The following ETS1 variants were observed in gnomAD, a reference collection of about 807,000 sequenced individuals.
The protein encoded by ETS1 is ETS proto-oncogene 1, transcription factor, also known as protein C-ets-1.
Under a neutral mutation model 58.6 loss-of-function variants are expected in ETS1, and 15 were observed. The observed-to-expected ratio is 0.26, with a 90% CI of 0.17 to 0.39. The LOEUF (loss-of-function observed/expected upper bound fraction) is 0.39. Ranked by LOEUF, ETS1 falls within the 10% of genes least tolerant of loss-of-function variation. The probability of loss-of-function intolerance (pLI) is 1.00; values close to 1 mark genes in which losing one functional copy is unlikely to be tolerated. For missense variants in ETS1, 417 were observed against 610.5 expected, an observed-to-expected ratio of 0.68 and a Z score of 3.34; for synonymous variants, 214 against 218.2, an observed-to-expected ratio of 0.98 and a Z score of 0.17.
At chr11:128,552,427 C>T (rs1864244561) in intron 3 of ETS1, among the ~76,000 whole-genome samples, 1 of 152,176 alleles carries the variant, frequency 6.6e-6, no homozygotes, top group East Asian at 1.9e-4. Context: ...GGTAATAAGA[C>T]TATAGGTTCC....
At chr11:128,564,143 T>C (rs1174408003) in intron 2 of ETS1, among the ~76,000 whole-genome samples, 25 of 152,280 alleles carry the variant, frequency 1.6e-4, no homozygotes, top group Non-Finnish European at 2.9e-5. Flanking sequence ...ACGTTTGTTC[T>C]GCTCCCTTGA....
intron 2 of ETS1, among the ~76,000 whole-genome samples, chr11:128,559,057 G>T (rs1367605958): frequency 6.6e-6 from 1 of 152,184 alleles, no homozygotes; most frequent in Non-Finnish European, 1.5e-5. Flanking sequence ...GGGACAGCAT[G>T]CATGGTTTGC....
At chr11:128,473,366 C>T (rs1284682542) in intron 8 of ETS1, among the ~76,000 whole-genome samples, 1 of 152,224 alleles carries the variant, frequency 6.6e-6, no homozygotes, top group Non-Finnish European at 1.5e-5. Flanking sequence ...TAGAGCCTAG[C>T]TTCCTGTATA....
intron 3 of ETS1, among the ~76,000 whole-genome samples, chr11:128,534,313 G>C (rs545867333): frequency 6.6e-6 from 1 of 152,268 alleles, no homozygotes; most frequent in African/African-American, 2.4e-5. Context: ...CCATACAGAT[G>C]AGTAGATGAC....
chr11:128,552,387 G>A (rs912246327), intron 3 of ETS1, among the ~76,000 whole-genome samples: 2 of 152,192 alleles, frequency 1.3e-5, no homozygotes, highest in Non-Finnish European at 1.5e-5. Context: ...AAAAAGTATT[G>A]TCTTGTTTCT....
chr11:128,518,391 C>T (rs1863579658), intron 3 of ETS1, among the ~76,000 whole-genome samples: 1 of 152,174 alleles, frequency 6.6e-6, no homozygotes, highest in Non-Finnish European at 1.5e-5. Context: ...TGTTGACTTG[C>T]TCTGTAGTTA....
At chr11:128,545,026 G>GGGGGCA in intron 3 of ETS1, among the ~76,000 whole-genome samples, 1 of 151,952 alleles carries the variant, frequency 6.6e-6, no homozygotes, top group South Asian at 2.1e-4. Flanking sequence ...TGGGGGTGGG[G>GGGGGCA]GGGGCAGTGT....
At chr11:128,508,096 ACTGGCCACAGGGACGGCT>A (rs1379204149) in intron 3 of ETS1, among the ~76,000 whole-genome samples, 2 of 152,208 alleles carry the variant, frequency 1.3e-5, no homozygotes, top group Non-Finnish European at 2.9e-5. Flanking sequence ...AAATAATTGA[ACTGGCCACAGGGACGGCT>A]CTGGCCCACT....
Position 128,587,470 on chromosome 11 carries a change from G to A in ETS1, c.-15+18C>T, listed in dbSNP as rs1180958931. 6.6e-6 allele frequency: 1 copy of A among 152,308 alleles called. No individual in the cohort carries two copies. Among genetic ancestry groups the A allele is most frequent in the African/African-American group, 2.4e-5 (1 of 41,430 alleles). The allele number at this position is 152,308 out of a possible 1,614,324, so 9.4% of individuals were successfully genotyped here. On this transcript the variant is annotated intron_variant, in intron 1 of 9. Transcript: ENST00000392668. ...AGGAAAATGGACTGAAAAGTTTTAG[G>A]CAGAAACTGACACACACCTCACTTA...
intron 3 of ETS1, among the ~76,000 whole-genome samples, chr11:128,546,421 C>T (rs2135547447): frequency 6.6e-6 from 1 of 152,292 alleles, no homozygotes; most frequent in Non-Finnish European, 1.5e-5. Flanking sequence ...TCCAGGAAAA[C>T]CCCTTGCCTA....
intron 3 of ETS1, among the ~76,000 whole-genome samples, chr11:128,548,562 TG>T (rs1864174358): frequency 6.6e-6 from 1 of 152,184 alleles, no homozygotes; most frequent in Non-Finnish European, 1.5e-5. Context: ...CCAACCTATC[TG>T]GAACTCCCTG....
chr11:128,561,799 G>A (rs1338214109), intron 2 of ETS1, among the ~76,000 whole-genome samples: 1 of 152,126 alleles, frequency 6.6e-6, no homozygotes, highest in Non-Finnish European at 1.5e-5. Context: ...ATGGAGTGAG[G>A]GCAACTTGGT....
chr11:128,490,218 T>C (rs1161581503), intron 4 of ETS1, among the ~76,000 whole-genome samples: 2 of 152,316 alleles, frequency 1.3e-5, no homozygotes, highest in South Asian at 2.1e-4. Flanking sequence ...GAAGTGATTC[T>C]AGTGTGCAGG....
At chr11:128,564,099 G>A (rs189210935) in intron 2 of ETS1, among the ~76,000 whole-genome samples, 2 of 152,266 alleles carry the variant, frequency 1.3e-5, no homozygotes, top group Admixed American at 1.3e-4. Flanking sequence ...CATGGGCAAG[G>A]GCGTGGTTTC....
Position 128,462,081 on chromosome 11 carries a change from C to T in ETS1, c.*280G>A. 2.4e-6 allele frequency: 1 copy of T among 412,638 alleles called. No homozygotes were observed. The highest frequency in any genetic ancestry group is 4.4e-6 in the Non-Finnish European group (1 of 227,988). The allele number at this position is 412,638 out of a possible 1,614,324, so 25.6% of individuals were successfully genotyped here. On this transcript the variant is annotated 3_prime_UTR_variant, in exon 10 of 10. Transcript: ENST00000392668. ...AATGATTGGACACATTAGTCTCTTTCTCTGTTAAGCCAGAGCCTTCAAGCT... is the reference window on the plus strand; with the variant it reads ...AATGATTGGACACATTAGTCTCTTTTTCTGTTAAGCCAGAGCCTTCAAGCT...
chr11:128,506,948 C>T (rs900596214), intron 3 of ETS1, among the ~76,000 whole-genome samples: 2 of 152,262 alleles, frequency 1.3e-5, no homozygotes, highest in Non-Finnish European at 1.5e-5. Flanking sequence ...TTTATACTTA[C>T]ATACAAAAGA....
At chr11:128,586,435 T>G (rs1426175651) in intron 1 of ETS1, among the ~76,000 whole-genome samples, 5 of 152,194 alleles carry the variant, frequency 3.3e-5, no homozygotes, top group African/African-American at 7.2e-5. Context: ...GTTTTCTCTT[T>G]GGATAAAAAT....
In ETS1 at chr11:128,585,311, GGGAA is replaced by G. The variant is rs1173784625; in HGVS notation, c.-15+2173_-15+2176del. 2.1e-3 allele frequency among the ~76,000 whole-genome samples: 233 copies of G among 112,678 alleles called. 2 individuals carry two copies. The highest frequency in any genetic ancestry group is 7.2e-3 in the African/African-American group (222 of 30,648). 73.9% of individuals were successfully genotyped at this position (112,678 alleles called of 152,430 possible). A position where few individuals can be genotyped will look rare whatever the true frequency, so the allele number is the denominator to read the frequency against. On this transcript the variant is annotated intron_variant, in intron 1 of 9. Transcript: ENST00000392668. ...GAAAGATAGAAAGGGAGGGAAGGGA[GGGAA>G]GAAGGAAGGAAGGAAGCAAGGAAGG...
Position 128,463,366 on chromosome 11 carries a change from G to T in ETS1, c.1242+143C>A. ...AAATAATGAACCTGGAGCTCAGACA[G>T]GCTACCTAGCTTGCTCCGGGTGGCA... is the stretch of plus-strand genomic sequence containing the variant. On this transcript the variant is annotated intron_variant, in intron 9 of 9. Transcript: ENST00000392668. The surrounding 1 kb of genome is among the most constrained non-coding windows in gnomAD (Gnocchi z 4.1). The T allele has an allele frequency of 1.6e-6, 1 of 639,002 alleles. No individual in the cohort carries two copies. Among genetic ancestry groups the T allele is most frequent in the South Asian group, 1.8e-5 (1 of 54,572 alleles). 39.6% of individuals were successfully genotyped at this position (639,002 alleles called of 1,614,324 possible).
Sources: gnomAD v4.1 joint callset for allele counts (sites outside exome capture counted in the v4.1 genomes callset) on GRCh38, gnomAD v4.1.1 for gene constraint, Gnocchi (gnomAD v3.1) non-coding constraint, MANE v1.5 for transcripts, NCBI Gene and HGNC (gene_info 2026-07-23, HGNC 2026-07-21) for gene names.